SHROOM4: variants seen among roughly 807,000 people sequenced by gnomAD.
SHROOM4 encodes the protein protein Shroom4.
A neutral mutation model predicts 80.3 loss-of-function variants in SHROOM4; 17 were observed. The observed-to-expected ratio is 0.21, with a 90% confidence interval of 0.14 to 0.32. SHROOM4 has a LOEUF of 0.32. Among genes scored for constraint, SHROOM4 ranks in the 10% least tolerant of loss-of-function variants. The probability of loss-of-function intolerance (pLI) is 1.00; values close to 1 mark genes in which losing one functional copy is unlikely to be tolerated. For synonymous variants in SHROOM4, 400 were observed against 437.5 expected (o/e 0.91, Z 1.07); for missense variants, 993 against 1,140.3 (o/e 0.87, Z 1.86).
chrX:50,667,411 G>A (rs2147382892), intron 2 of SHROOM4, among the ~76,000 whole-genome samples: 1 of 111,141 alleles, frequency 9.0e-6, no homozygotes, highest in Admixed American at 9.6e-5. Context: ...TTAAAGATAT[G>A]GGGAGGTAAT....
intron 1 of SHROOM4, among the ~76,000 whole-genome samples, chrX:50,741,676 C>T (rs1430864661): frequency 1.8e-5 from 2 of 110,947 alleles, no homozygotes; most frequent in African/African-American, 6.5e-5. Context: ...ATATTGAGCA[C>T]CTTTTCATGT....
At chrX:50,606,582 A>G (rs1929681122) in intron 6 of SHROOM4, among the ~76,000 whole-genome samples, 1 of 108,200 alleles carries the variant, frequency 9.2e-6, no homozygotes, top group African/African-American at 3.4e-5. Flanking sequence ...CTTTGGAGCA[A>G]AAGAAATTAA....
intron 2 of SHROOM4, among the ~76,000 whole-genome samples, chrX:50,693,334 C>T (rs782140942): frequency 6.3e-5 from 7 of 110,428 alleles, no homozygotes; most frequent in African/African-American, 1.3e-4. Flanking sequence ...TGGGAGGCTG[C>T]GGCAGGGGGA....
chrX:50,615,985 G>A (rs1338552204), intron 5 of SHROOM4, among the ~76,000 whole-genome samples: 1 of 112,229 alleles, frequency 8.9e-6, no homozygotes, highest in Non-Finnish European at 1.9e-5. Flanking sequence ...CGGAGTTCAT[G>A]AGCTGCATGG....
chrX:50,762,390 GT>G (rs1273036659), intron 1 of SHROOM4, among the ~76,000 whole-genome samples: 2 of 110,808 alleles, frequency 1.8e-5, no homozygotes, highest in African/African-American at 6.7e-5. Flanking sequence ...TACTGCTATT[GT>G]TTTGTGCTAT....
chrX:50,597,515 T>C (rs1929169973), intron 8 of SHROOM4, among the ~76,000 whole-genome samples: 1 of 111,844 alleles, frequency 8.9e-6, no homozygotes. Flanking sequence ...AACTGACAGC[T>C]TTCCAATCTC....
chrX:50,652,663 T>C (rs1335659406), intron 2 of SHROOM4, among the ~76,000 whole-genome samples: 1 of 112,250 alleles, frequency 8.9e-6, no homozygotes, highest in African/African-American at 3.2e-5. Context: ...ATGTCCTGAA[T>C]GGTATTGCCT....
intron 2 of SHROOM4, chrX:50,687,188 A>C (rs1933094913): frequency 9.1e-6 from 1 of 110,353 alleles, no homozygotes; most frequent in African/African-American, 3.3e-5. Context: ...TAGTCTGTGA[A>C]GGGCCAGGTA....
At chrX:50,768,611 T>C (rs1935329664) in intron 1 of SHROOM4, among the ~76,000 whole-genome samples, 1 of 112,254 alleles carries the variant, frequency 8.9e-6, no homozygotes, top group East Asian at 2.8e-4. Context: ...ATTTCTTATA[T>C]GTAAAACCTG....
intron 1 of SHROOM4, among the ~76,000 whole-genome samples, chrX:50,794,583 TG>T (rs1321801737): frequency 2.4e-4 from 26 of 108,397 alleles, no homozygotes; most frequent in South Asian, 1.6e-3. Flanking sequence ...CTCAAAAAAC[TG>T]TCCCTCCAAC....
chrX:50,757,485 T>C (rs1184741588), intron 1 of SHROOM4, among the ~76,000 whole-genome samples: 3 of 111,846 alleles, frequency 2.7e-5, no homozygotes, highest in Non-Finnish European at 5.6e-5. Context: ...TGCATTTCTC[T>C]GTGTATTTTA....
At chrX:50,780,775 A>C (rs1557270574) in intron 1 of SHROOM4, among the ~76,000 whole-genome samples, 1 of 112,098 alleles carries the variant, frequency 8.9e-6, no homozygotes, top group Non-Finnish European at 1.9e-5. Flanking sequence ...CTAAAATCCA[A>C]AACTCCCAAC....
At chrX:50,788,437 T>C (rs1413523952) in intron 1 of SHROOM4, among the ~76,000 whole-genome samples, 1 of 110,371 alleles carries the variant, frequency 9.1e-6, no homozygotes, top group African/African-American at 3.3e-5. Context: ...AAACCCCGTC[T>C]CTACTAAAAA....
chrX:50,700,212 GTTTT>G (rs1321902080), intron 1 of SHROOM4, among the ~76,000 whole-genome samples: 1 of 111,977 alleles, frequency 8.9e-6, no homozygotes, highest in Admixed American at 9.4e-5. Context: ...TTGTTTTTTT[GTTTT>G]TGTTTTATTG....
At chrX:50,785,715 A>G (rs1935726120) in intron 1 of SHROOM4, among the ~76,000 whole-genome samples, 2 of 111,409 alleles carry the variant, frequency 1.8e-5, no homozygotes, top group South Asian at 7.7e-4. Flanking sequence ...GGTGTGATGA[A>G]CATGCTTATT....
In SHROOM4 at chrX:50,696,059, G is replaced by A. The variant is rs980443994; in HGVS notation, c.118-122C>T. 32 of 785,369 alleles carry A rather than the reference G, an allele frequency of 4.1e-5. No individual in the cohort carries two copies. The South Asian group carries it at 6.7e-4, about 17-fold the overall frequency. 64.7% of individuals were successfully genotyped at this position (785,369 alleles called of 1,213,427 possible). On this transcript the variant is annotated intron_variant, in intron 1 of 8. Coordinates refer to ENST00000376020, the MANE Select transcript of SHROOM4 (RefSeq NM_020717.5). ...TGGGGAATGGCTCCAGGCAGCTCCT[G>A]GGAGTAGCTCAGGAGCTGATCACAG...
intron 5 of SHROOM4, among the ~76,000 whole-genome samples, chrX:50,609,033 T>C (rs1182026438): frequency 9.0e-6 from 1 of 111,569 alleles, no homozygotes; most frequent in Non-Finnish European, 1.9e-5. Flanking sequence ...GAGGCTGAGG[T>C]GTGTAGATCA....
In SHROOM4 at chrX:50,608,026, A is replaced by G; in HGVS notation, c.3116T>C (p.Val1039Ala). 4 of 1,211,299 alleles carry G rather than the reference A, an allele frequency of 3.3e-6. No homozygotes were observed. In the East Asian group the frequency reaches 1.2e-4, roughly 36 times the overall value. The change falls in exon 6 of 9, where the codon GTT becomes GCT. Residue 1039 changes from valine to alanine, a missense_variant. Val to Ala is a moderately conservative substitution (Grantham distance 64). Transcript: ENST00000376020. Reference protein sequence around the residue: ...HALKKSEETSVYEEGSSLASM... With the variant: ...HALKKSEETSAYEEGSSLASM... ...GGCAAGGGAGCTCCCCTCCTCATAA[A>G]CTGAAGTTTCCTCTGATTTTTTCAA...
At chrX:50,623,301 C>A (rs1450697698) in intron 5 of SHROOM4, among the ~76,000 whole-genome samples, 1 of 111,201 alleles carries the variant, frequency 9.0e-6, no homozygotes, top group Non-Finnish European at 1.9e-5. Flanking sequence ...GATTCTCCTG[C>A]CTCAGCCTCC....
Sources: gnomAD v4.1 joint callset for allele counts (sites outside exome capture counted in the v4.1 genomes callset) on GRCh38, gnomAD v4.1.1 for gene constraint, MANE v1.5 for transcripts, NCBI Gene and HGNC (gene_info 2026-07-23, HGNC 2026-07-21) for gene names.